ZHX3: variants seen among roughly 807,000 people sequenced by gnomAD.
ZHX3 encodes zinc fingers and homeoboxes 3.
In ZHX3, 20 loss-of-function variants were observed where a neutral mutation model predicts 64.5. The ratio of observed to expected loss-of-function variants is 0.31; its 90% CI spans 0.22 to 0.45. ZHX3 has a LOEUF of 0.45. Among genes scored for constraint, ZHX3 ranks in the 20% least tolerant of loss-of-function variants. The pLI, the probability that ZHX3 is intolerant of heterozygous loss-of-function variation, is 1.00. For synonymous variants in ZHX3, 423 were observed against 461.6 expected (o/e 0.92, Z 1.07); for missense variants, 1,041 against 1,195.8 (o/e 0.87, Z 1.91).
chr20:41,269,149 T>C (rs2043003804), intron 1 of ZHX3, 66 bp from the exon 2 acceptor site: 1 of 152,212 alleles, frequency 6.6e-6, no homozygotes, highest in African/African-American at 2.4e-5. Context: ...TTATCCAATC[T>C]CATCAGTCTC....
intron 2 of ZHX3, among the ~76,000 whole-genome samples, chr20:41,253,320 CTT>C (rs1266925975): frequency 6.6e-6 from 1 of 150,732 alleles, no homozygotes; most frequent in Non-Finnish European, 1.5e-5. Context: ...TTTGTAGCCT[CTT>C]TGTCTATAAA....
In ZHX3 at chr20:41,203,679, T is replaced by A. The variant is rs2038451151; in HGVS notation, c.1238A>T (p.His413Leu). 6.2e-7 allele frequency: 1 copy of A among 1,614,004 alleles called. No homozygotes were observed. Among genetic ancestry groups the A allele is most frequent in the South Asian group, 1.1e-5 (1 of 91,082 alleles). Reference protein sequence around the residue: ...QHLIQAALPGHVVGQPEGTGG... With the variant: ...QHLIQAALPGLVVGQPEGTGG... Reference sequence around the variant, plus strand: ...TGTACCCTCTGGCTGCCCCACAACGTGACCTGGAAGAGCGGCCTGGATGAG... The same window carrying A: ...TGTACCCTCTGGCTGCCCCACAACGAGACCTGGAAGAGCGGCCTGGATGAG... The change falls in exon 3 of 4, where the codon CAC becomes CTC. Residue 413 changes from histidine to leucine, a missense_variant. Transcript: ENST00000683867. This position sits in a 1 kb window ranked among gnomAD's most constrained non-coding sequence, Gnocchi z 7.1.
chr20:41,203,324 C>T lies in ZHX3; in HGVS notation c.1593G>A (p.Thr531=), dbSNP rs749806049. 1.7e-5 allele frequency: 27 copies of T among 1,614,054 alleles called. No homozygotes were observed. The highest frequency in any genetic ancestry group is 1.6e-4 in the Middle Eastern group (1 of 6,082). ...TCCGCACCTCTCTGGTACTGAGGCC[C>T]GTCACTTTTGTGAGATGTTCAACTT... ...QSEVEHLTKV[T]GLSTREVRKW... The change falls in exon 3 of 4, where the codon ACG becomes ACA. Residue 531 remains threonine (T), a synonymous_variant. Coordinates refer to ENST00000683867, the MANE Select transcript of ZHX3 (RefSeq NM_001384317.1). This position sits in a 1 kb window ranked among gnomAD's most constrained non-coding sequence, Gnocchi z 7.1.
At position 41,229,173 on chromosome 20, in the gene ZHX3, C is replaced by T. The variant is rs533753970; in HGVS notation, c.-150-24107G>A. ...CATAAGTGGACTCATATAGTATTTG[C>T]CTTTTTATAACTGATCAATTTAACT... On this transcript the variant is annotated intron_variant, in intron 2 of 3. Coordinates refer to ENST00000683867, the MANE Select transcript of ZHX3 (RefSeq NM_001384317.1). 2.6e-5 allele frequency among the ~76,000 whole-genome samples: 4 copies of T among 152,264 alleles called. No individual in the cohort carries two copies. The South Asian group carries it at 8.3e-4, about 32-fold the overall frequency.
intron 3 of ZHX3, among the ~76,000 whole-genome samples, chr20:41,198,735 T>C (rs1323181405): frequency 6.6e-6 from 1 of 152,090 alleles, no homozygotes; most frequent in Non-Finnish European, 1.5e-5. Context: ...ATGTCTTTCA[T>C]CAGATTTGGG....
Position 41,287,795 on chromosome 20 carries a change from G to A in ZHX3, c.-244-18712C>T, listed in dbSNP as rs561395689. ...ATCTCATGAGAGACTGTGAGCCAGA[G>A]GTACCCATTAAGCCCTGCTCAGATT... On this transcript the variant is annotated intron_variant, in intron 1 of 3. Transcript: ENST00000683867. 2.0e-5 allele frequency among the ~76,000 whole-genome samples: 3 copies of A among 152,260 alleles called. No homozygotes were observed. In the East Asian group the frequency reaches 5.8e-4, roughly 29 times the overall value.
At chr20:41,292,593 T>G (rs2044304927) in intron 1 of ZHX3, among the ~76,000 whole-genome samples, 1 of 152,250 alleles carries the variant, frequency 6.6e-6, no homozygotes, top group African/African-American at 2.4e-5. Flanking sequence ...CTTGCTCATC[T>G]ACGATTCAAA....
rs1007346321 is a variant in ZHX3 at position 41,200,284 on chromosome 20, A to C, written c.2860+1773T>G. On this transcript the variant is annotated intron_variant, in intron 3 of 3. Coordinates refer to ENST00000683867, the MANE Select transcript of ZHX3 (RefSeq NM_001384317.1). This position sits in a 1 kb window ranked among gnomAD's most constrained non-coding sequence, Gnocchi z 4.2. ...TGCTGCTACTGCCATCTTCCATAAC[A>C]TCATTCTCCATGTCAGCTTTCGTAA... 6.6e-6 allele frequency among the ~76,000 whole-genome samples: 1 copy of C among 152,140 alleles called. No homozygotes were observed. Among genetic ancestry groups the C allele is most frequent in the Non-Finnish European group, 1.5e-5 (1 of 68,028 alleles).
At chr20:41,266,584 C>T (rs1054601036) in intron 2 of ZHX3, among the ~76,000 whole-genome samples, 7 of 150,150 alleles carry the variant, frequency 4.7e-5, no homozygotes, top group Non-Finnish European at 5.9e-5. Context: ...CTTGTTCTGT[C>T]GCCCAGGCTG....
At position 41,203,256 on chromosome 20, in the gene ZHX3, C is replaced by T; in HGVS notation, c.1661G>A (p.Gly554Asp). 6.2e-7 allele frequency: 1 copy of T among 1,614,130 alleles called. No individual in the cohort carries two copies. Among genetic ancestry groups the T allele is most frequent in the Non-Finnish European group, 8.5e-7 (1 of 1,180,016 alleles). Residue 554 changes from glycine (G) to aspartate (D), a missense_variant, in exon 3 of 4, where the codon GGC (glycine) becomes GAC (aspartate). This residue lies in a region of ZHX3 where 649 missense variants were observed against 739.8 expected (regional missense o/e 0.88). Transcript: ENST00000683867. This position sits in a 1 kb window ranked among gnomAD's most constrained non-coding sequence, Gnocchi z 7.1. ...DRRYHCRNLK[G>D]SRAMIPGDHS... Reference sequence around the variant, plus strand: ...ATCTCCAGGTATCATCGCTCTGGAGCCCTTCAAGTTCCGGCAGTGGTATCT... The same window carrying T: ...ATCTCCAGGTATCATCGCTCTGGAGTCCTTCAAGTTCCGGCAGTGGTATCT...
At position 41,212,889 on chromosome 20, in the gene ZHX3, G is replaced by A. The variant is rs2039268390; in HGVS notation, c.-150-7823C>T. Among the ~76,000 whole-genome samples the A allele has an allele frequency of 6.6e-6, 1 of 151,486 alleles. No individual in the cohort carries two copies. The highest frequency in any genetic ancestry group is 2.1e-4 in the South Asian group (1 of 4,816). On this transcript the variant is annotated intron_variant, in intron 2 of 3. Coordinates refer to ENST00000683867, the MANE Select transcript of ZHX3 (RefSeq NM_001384317.1). The surrounding 1 kb of genome is among the most constrained non-coding windows in gnomAD (Gnocchi z 4.3). Reference sequence around the variant, plus strand: ...ATATACACAGTATAAATAAAAACATGTCCACCCCAAAATATGTACACAAAT... The same window carrying A: ...ATATACACAGTATAAATAAAAACATATCCACCCCAAAATATGTACACAAAT...
At chr20:41,240,038 C>T (rs2041274556) in intron 2 of ZHX3, among the ~76,000 whole-genome samples, 1 of 152,016 alleles carries the variant, frequency 6.6e-6, no homozygotes, top group African/African-American at 2.4e-5. Context: ...GCTCTGTTGC[C>T]CAGGCTGGAG....
intron 3 of ZHX3, chr20:41,197,074 A>G: frequency 4.6e-6 from 1 of 216,416 alleles, no homozygotes; most frequent in Admixed American, 4.2e-5. Flanking sequence ...CACATTGATC[A>G]GGGCTGATGG....
chr20:41,247,372 T>C (rs1306706856), intron 2 of ZHX3, among the ~76,000 whole-genome samples: 1 of 152,212 alleles, frequency 6.6e-6, no homozygotes, highest in Non-Finnish European at 1.5e-5. Context: ...GGTTCTAATC[T>C]GGACTCAGCT....
In ZHX3 at chr20:41,179,598, C is replaced by T. The variant is rs1318940609; in HGVS notation, c.*5593G>A. ...GCTCTCTATTCAGTGACTAAACAAC[C>T]TGACATTTCACTTTTAACTCCAGTC... On this transcript the variant is annotated 3_prime_UTR_variant, in exon 4 of 4. Coordinates refer to ENST00000683867, the MANE Select transcript of ZHX3 (RefSeq NM_001384317.1). The surrounding 1 kb of genome is among the most constrained non-coding windows in gnomAD (Gnocchi z 4.3). 1.3e-5 allele frequency: 2 copies of T among 151,936 alleles called. No homozygotes were observed. The highest frequency in any genetic ancestry group is 4.8e-5 in the African/African-American group (2 of 41,358). The allele number at this position is 151,936 out of a possible 1,614,324, so 9.4% of individuals were successfully genotyped here.
At chr20:41,234,965 C>A (rs1396623215) in intron 2 of ZHX3, among the ~76,000 whole-genome samples, 1 of 152,210 alleles carries the variant, frequency 6.6e-6, no homozygotes, top group Non-Finnish European at 1.5e-5. Context: ...CCTTGTAAGT[C>A]TCTCTCACTT....
At chr20:41,188,835 C>T (rs114663538) in intron 3 of ZHX3, among the ~76,000 whole-genome samples, 129 of 152,280 alleles carry the variant, frequency 8.5e-4, no homozygotes, top group African/African-American at 3.0e-3. Context: ...ATTTCCTTTG[C>T]TATGCAGAAG....
rs1295108735 is a variant in ZHX3 at position 41,183,314 on chromosome 20, A to T, written c.*1877T>A. ...TCCTCAAAGGTTTTTGAGACCAAACATCTTTACTCCCCAAATTAAGAATAC... is the reference window on the plus strand; with the variant it reads ...TCCTCAAAGGTTTTTGAGACCAAACTTCTTTACTCCCCAAATTAAGAATAC... On this transcript the variant is annotated 3_prime_UTR_variant, in exon 4 of 4. Coordinates refer to ENST00000683867, the MANE Select transcript of ZHX3 (RefSeq NM_001384317.1). This position sits in a 1 kb window ranked among gnomAD's most constrained non-coding sequence, Gnocchi z 5.3. 2 of 152,220 alleles carry T rather than the reference A, an allele frequency of 1.3e-5. No homozygotes were observed. The highest frequency in any genetic ancestry group is 4.8e-5 in the African/African-American group (2 of 41,454). The allele number at this position is 152,220 out of a possible 1,614,324, so 9.4% of individuals were successfully genotyped here.
At chr20:41,198,108 G>T (rs532711022) in intron 3 of ZHX3, among the ~76,000 whole-genome samples, 2 of 149,788 alleles carry the variant, frequency 1.3e-5, no homozygotes, top group Non-Finnish European at 3.0e-5. Flanking sequence ...AGGTTCAAGC[G>T]ATTCTCCTGC....
Sources: gnomAD v4.1 joint callset for allele counts (sites outside exome capture counted in the v4.1 genomes callset) on GRCh38, gnomAD v4.1.1 for gene constraint, gnomAD v4.1.1 regional missense constraint, Gnocchi (gnomAD v3.1) non-coding constraint, MANE v1.5 for transcripts, NCBI Gene and HGNC (gene_info 2026-07-23, HGNC 2026-07-21) for gene names.